The following ADARB2 variants were observed in gnomAD, a reference collection of about 807,000 sequenced individuals.
ADARB2 encodes adenosine deaminase RNA specific B2 (inactive), also known as inactive double-stranded RNA-specific editase B2.
A neutral mutation model predicts 62.2 loss-of-function variants in ADARB2; 25 were observed. The ratio of observed to expected loss-of-function variants is 0.40; its 90% CI spans 0.29 to 0.56. The LOEUF is 0.56. Among genes scored for constraint, ADARB2 ranks in the 20% least tolerant of loss-of-function variants. The pLI, the probability that ADARB2 is intolerant of heterozygous loss-of-function variation, is 0.43. For synonymous variants in ADARB2, 572 were observed against 500.8 expected, an observed-to-expected ratio of 1.14 and a Z score of -1.90; for missense variants, 1,071 against 1,077.4, an observed-to-expected ratio of 0.99 and a Z score of 0.08.
chr10:1,280,735 C>T (rs1831363340), intron 3 of ADARB2, among the ~76,000 whole-genome samples: 1 of 152,012 alleles, frequency 6.6e-6, no homozygotes, highest in Non-Finnish European at 1.5e-5. Flanking sequence ...TATGATATTC[C>T]TAAGTGATGC....
chr10:1,591,200 T>C (rs930295924), intron 1 of ADARB2, among the ~76,000 whole-genome samples: 3 of 152,076 alleles, frequency 2.0e-5, no homozygotes, highest in African/African-American at 7.2e-5. Context: ...GTTTGATGGG[T>C]GTGGGTGGGA....
chr10:1,480,604 A>G (rs1270379047), intron 1 of ADARB2, among the ~76,000 whole-genome samples: 1 of 152,118 alleles, frequency 6.6e-6, no homozygotes, highest in East Asian at 1.9e-4. Flanking sequence ...AGGCTGAGGT[A>G]GGAGAATGGT....
intron 1 of ADARB2, among the ~76,000 whole-genome samples, chr10:1,629,563 C>T (rs1380525004): frequency 2.2e-5 from 3 of 138,182 alleles, no homozygotes; most frequent in African/African-American, 8.0e-5. Flanking sequence ...AGCACCCAAC[C>T]CCCCCAGCAC....
intron 1 of ADARB2, among the ~76,000 whole-genome samples, chr10:1,420,361 C>A (rs188431282): frequency 6.6e-6 from 1 of 152,112 alleles, no homozygotes; most frequent in South Asian, 2.1e-4. Flanking sequence ...GTCAGGCCAG[C>A]GCAGCCACGG....
intron 1 of ADARB2, among the ~76,000 whole-genome samples, chr10:1,589,053 C>A (rs1833214761): frequency 6.6e-6 from 1 of 152,196 alleles, no homozygotes; most frequent in African/African-American, 2.4e-5. Flanking sequence ...CTTGTGTACC[C>A]CTCTTCCTCT....
chr10:1,229,579 C>T (rs1410770922), intron 6 of ADARB2, among the ~76,000 whole-genome samples: 1 of 125,120 alleles, frequency 8.0e-6, no homozygotes, highest in Non-Finnish European at 1.8e-5. Context: ...CAATCTTGGG[C>T]ACCAAACTTC....
At chr10:1,506,910 G>C (rs11250572) in intron 1 of ADARB2, among the ~76,000 whole-genome samples, 3,142 of 152,324 alleles carry the variant, frequency 0.021, 113 homozygotes, top group African/African-American at 0.071. Context: ...TCCCTGCCGT[G>C]TGAGGACGCA....
At chr10:1,569,032 G>T in intron 1 of ADARB2, among the ~76,000 whole-genome samples, 1 of 152,052 alleles carries the variant, frequency 6.6e-6, no homozygotes, top group East Asian at 1.9e-4. Context: ...CAGAGACAGA[G>T]CGGGACAGAG....
rs200497460 is a variant in ADARB2, at chr10:1,479,615, T to C, written c.101-100455A>G. Among the ~76,000 whole-genome samples the C allele has an allele frequency of 4.6e-5, 7 of 152,130 alleles. No individual in the cohort carries two copies. In the East Asian group the frequency reaches 1.3e-3, roughly 29 times the overall value. On this transcript the variant is annotated intron_variant, in intron 1 of 9. Transcript: ENST00000381312. ...AAACCATGGGTGGCATTTGGGCGTA[T>C]GGAGGGCAGAGCCCTATAGGGAGGG...
intron 3 of ADARB2, among the ~76,000 whole-genome samples, chr10:1,325,939 G>C (rs1327343417): frequency 6.7e-6 from 1 of 148,656 alleles, no homozygotes; most frequent in African/African-American, 2.6e-5. Flanking sequence ...TAACGCCTCA[G>C]AATATAGTTT....
intron 1 of ADARB2, among the ~76,000 whole-genome samples, chr10:1,637,551 C>G (rs1273156094): frequency 6.6e-6 from 1 of 152,160 alleles, no homozygotes; most frequent in Admixed American, 6.6e-5. Flanking sequence ...CCTAAAATAA[C>G]GTATTTGTTC....
chr10:1,565,023 G>C (rs59692787), intron 1 of ADARB2, among the ~76,000 whole-genome samples: 1 of 152,184 alleles, frequency 6.6e-6, no homozygotes, highest in Non-Finnish European at 1.5e-5. Context: ...CAGCAGCACC[G>C]GTGCCTTCCC....
intron 1 of ADARB2, among the ~76,000 whole-genome samples, chr10:1,428,192 C>T (rs369303562): frequency 1.3e-4 from 20 of 151,900 alleles, no homozygotes; most frequent in African/African-American, 4.3e-4. Flanking sequence ...AGGCTGGTCT[C>T]GAACTCCTAA....
Position 1,612,373 on chromosome 10 carries a change from G to T in ADARB2, c.100+124678C>A, listed in dbSNP as rs184963774. ...AGGACCCGAGGCCTGAGCTCCAGAG[G>T]GAGGGGCTGGACATAAGGAGGCGGT... On this transcript the variant is annotated intron_variant, in intron 1 of 9. Coordinates refer to ENST00000381312, the MANE Select transcript of ADARB2 (RefSeq NM_018702.4). 4.3e-4 allele frequency among the ~76,000 whole-genome samples: 65 copies of T among 152,362 alleles called. 1 individual carries two copies. The South Asian group carries it at 0.012, about 29-fold the overall frequency.
intron 1 of ADARB2, among the ~76,000 whole-genome samples, chr10:1,606,057 T>C (rs903150142): frequency 1.3e-5 from 2 of 152,226 alleles, no homozygotes; most frequent in Non-Finnish European, 2.9e-5. Flanking sequence ...ACAATATGTA[T>C]ATTTCTTTCA....
intron 1 of ADARB2, among the ~76,000 whole-genome samples, chr10:1,480,652 T>G (rs998405170): frequency 2.9e-5 from 4 of 139,866 alleles, no homozygotes; most frequent in Non-Finnish European, 6.4e-5. Context: ...GAGCTGAGAT[T>G]GTGCCCCTGC....
intron 1 of ADARB2, among the ~76,000 whole-genome samples, chr10:1,663,484 T>C (rs910356285): frequency 5.3e-5 from 8 of 152,230 alleles, no homozygotes; most frequent in Non-Finnish European, 1.0e-4. Context: ...ATCTTTTTAC[T>C]GTCCGCGTAG....
At chr10:1,657,539 C>T (rs1327959727) in intron 1 of ADARB2, among the ~76,000 whole-genome samples, 1 of 152,192 alleles carries the variant, frequency 6.6e-6, no homozygotes, top group Non-Finnish European at 1.5e-5. Context: ...ATCTCTCTCC[C>T]CTCTGAAGCC....
In ADARB2 at chr10:1,514,023, G is replaced by C. The variant is rs1177967190; in HGVS notation, c.101-134863C>G. Among the ~76,000 whole-genome samples the C allele has an allele frequency of 4.0e-5, 6 of 151,356 alleles. No homozygotes were observed. The East Asian group carries it at 1.2e-3, about 30-fold the overall frequency. On this transcript the variant is annotated intron_variant, in intron 1 of 9. Transcript: ENST00000381312. ...GGATCACTTGAGCTCAGGAGTTAGA[G>C]ACCAGTCTGGGCAACATAGCGAGAC...
Sources: allele counts gnomAD v4.1 joint callset (sites outside exome capture counted in the v4.1 genomes callset), GRCh38; gene constraint gnomAD v4.1.1; transcripts MANE v1.5; gene names NCBI Gene and HGNC (gene_info 2026-07-23, HGNC 2026-07-21).